The following CORIN variants were observed in gnomAD, a reference collection of about 807,000 sequenced individuals.
The protein encoded by CORIN is corin, serine peptidase.
CORIN carries 117 observed loss-of-function variants against 125.3 expected under a neutral mutation model. The observed-to-expected ratio is 0.93, with a 90% CI of 0.80 to 1.09. The LOEUF (loss-of-function observed/expected upper bound fraction) is 1.09. CORIN is among the 50% of genes least tolerant of loss of function. The pLI, the probability that CORIN is intolerant of heterozygous loss-of-function variation, is 0.00. For missense variants in CORIN, 1,253 were observed against 1,306.7 expected, an observed-to-expected ratio of 0.96 and a Z score of 0.63; for synonymous variants, 450 against 466.4, an observed-to-expected ratio of 0.96 and a Z score of 0.45.
intron 16 of CORIN, among the ~76,000 whole-genome samples, chr4:47,636,251 T>A (rs936868295): frequency 4.6e-5 from 7 of 152,182 alleles, no homozygotes; most frequent in African/African-American, 1.7e-4. Flanking sequence ...AGACACACTG[T>A]TTCCCGATTA....
At chr4:47,746,190 G>A (rs1202368391) in intron 4 of CORIN, among the ~76,000 whole-genome samples, 6 of 152,128 alleles carry the variant, frequency 3.9e-5, no homozygotes, top group African/African-American at 2.4e-5. Flanking sequence ...AGAAGTTAGC[G>A]AATATACTTT....
Position 47,659,176 on chromosome 4 carries a change from G to A in CORIN, c.1735+2535C>T, listed in dbSNP as rs144591421. On this transcript the variant is annotated intron_variant, in intron 12 of 21. Coordinates refer to ENST00000273857, the MANE Select transcript of CORIN (RefSeq NM_006587.4). ...GGCCTTCACTATCCATATCACTATC[G>A]GAATTTTGGGTCACAATCACTTAAC... Among the ~76,000 whole-genome samples, 36 of 152,146 alleles carry A rather than the reference G, an allele frequency of 2.4e-4. No homozygotes were observed. In the East Asian group the frequency reaches 5.8e-3, roughly 24 times the overall value.
At chr4:47,679,340 T>C (rs1226089431) in intron 8 of CORIN, among the ~76,000 whole-genome samples, 1 of 151,842 alleles carries the variant, frequency 6.6e-6, no homozygotes, top group African/African-American at 2.4e-5. Flanking sequence ...CAACAGTTTA[T>C]AAATTTATAT....
intron 2 of CORIN, among the ~76,000 whole-genome samples, chr4:47,794,868 C>T (rs1452616182): frequency 1.3e-5 from 2 of 152,050 alleles, no homozygotes; most frequent in African/African-American, 4.8e-5. Flanking sequence ...ATTTCCAAGA[C>T]CTTGAAAGAG....
At chr4:47,652,710 C>G (rs1444597074) in intron 13 of CORIN, 1 of 152,066 alleles carries the variant, frequency 6.6e-6, no homozygotes, top group African/African-American at 2.4e-5. Context: ...GCAGAAATGT[C>G]AAGAAGAGTT....
rs757532623 is a variant in CORIN at position 47,806,900 on chromosome 4, C to G, written c.208+3G>C. 1.9e-6 allele frequency: 3 copies of G among 1,610,152 alleles called. No homozygotes were observed. The highest frequency in any genetic ancestry group is 2.5e-6 in the Non-Finnish European group (3 of 1,178,708). ...ATTTTTATTTAATAATGGCCTCACCCACCAACATAGGAAAGCAGGATCACC... is the reference window on the plus strand; with the variant it reads ...ATTTTTATTTAATAATGGCCTCACCGACCAACATAGGAAAGCAGGATCACC... On this transcript the variant is annotated splice_donor_region_variant and intron_variant, in intron 2 of 21. Coordinates refer to ENST00000273857, the MANE Select transcript of CORIN (RefSeq NM_006587.4).
At chr4:47,739,088 C>G (rs554582102) in intron 5 of CORIN, among the ~76,000 whole-genome samples, 1 of 151,836 alleles carries the variant, frequency 6.6e-6, no homozygotes, top group Admixed American at 6.6e-5. Flanking sequence ...TACCAACATA[C>G]TCATAATGGG....
At chr4:47,631,742 T>G (rs951915141) in intron 16 of CORIN, among the ~76,000 whole-genome samples, 2 of 152,202 alleles carry the variant, frequency 1.3e-5, no homozygotes, top group African/African-American at 2.4e-5. Flanking sequence ...TGGGGATTGC[T>G]ACCCTAGGGG....
chr4:47,760,929 C>A (rs1729418898), intron 4 of CORIN, among the ~76,000 whole-genome samples: 1 of 152,204 alleles, frequency 6.6e-6, no homozygotes, highest in Non-Finnish European at 1.5e-5. Flanking sequence ...TCTCATGAAC[C>A]AATCTCTGCT....
At chr4:47,610,413 G>C (rs1721825312) in intron 19 of CORIN, among the ~76,000 whole-genome samples, 1 of 151,638 alleles carries the variant, frequency 6.6e-6, no homozygotes, top group Admixed American at 6.6e-5. Flanking sequence ...CTTTTGAGAA[G>C]TGTCTGTTCA....
At chr4:47,642,114 T>A (rs1427243483) in intron 15 of CORIN, 65 bp from the exon 16 acceptor site, 1 of 1,524,088 alleles carries the variant, frequency 6.6e-7, no homozygotes, top group East Asian at 2.3e-5. Context: ...AGCACATAAC[T>A]TTACATGCCT....
At chr4:47,746,882 G>A (rs964664051) in intron 4 of CORIN, among the ~76,000 whole-genome samples, 9 of 152,094 alleles carry the variant, frequency 5.9e-5, no homozygotes, top group Non-Finnish European at 7.4e-5. Flanking sequence ...CATCATATAC[G>A]TGATGGGTGA....
At chr4:47,814,758 G>A (rs1371010383) in intron 1 of CORIN, among the ~76,000 whole-genome samples, 1 of 152,030 alleles carries the variant, frequency 6.6e-6, no homozygotes, top group East Asian at 1.9e-4. Context: ...GCATGTAGTT[G>A]AAGCATATGA....
chr4:47,762,416 G>C (rs1729512030), intron 4 of CORIN, among the ~76,000 whole-genome samples: 2 of 152,160 alleles, frequency 1.3e-5, no homozygotes. Flanking sequence ...TGTTATATGT[G>C]AATAAGTAAT....
intron 3 of CORIN, among the ~76,000 whole-genome samples, chr4:47,768,501 A>G (rs1027970580): frequency 2.2e-4 from 33 of 152,360 alleles, no homozygotes; most frequent in African/African-American, 7.5e-4. Context: ...CTGATACCAA[A>G]GCCAGACAAG....
chr4:47,649,081 C>T (rs1723618442), intron 13 of CORIN, among the ~76,000 whole-genome samples: 1 of 152,216 alleles, frequency 6.6e-6, no homozygotes. Flanking sequence ...ACAGGCCATC[C>T]AGCCACCATC....
At chr4:47,623,340 CTT>C (rs1722412261) in intron 19 of CORIN, among the ~76,000 whole-genome samples, 1 of 152,016 alleles carries the variant, frequency 6.6e-6, no homozygotes, top group African/African-American at 2.4e-5. Context: ...CTTTCTCTCT[CTT>C]AGGACAAAAA....
chr4:47,623,096 C>CTCTCTCTCTCTCTCTA (rs771867590), intron 19 of CORIN, among the ~76,000 whole-genome samples: 32 of 102,296 alleles, frequency 3.1e-4, no homozygotes, highest in Admixed American at 4.3e-4. Flanking sequence ...CTCTCTCTCT[C>CTCTCTCTCTCTCTCTA]TATATATATA....
At chr4:47,797,328 G>C (rs1433353518) in intron 2 of CORIN, among the ~76,000 whole-genome samples, 1 of 151,312 alleles carries the variant, frequency 6.6e-6, no homozygotes, top group Non-Finnish European at 1.5e-5. Flanking sequence ...AGTACTCTAT[G>C]GCATAAAGTG....
Sources: gnomAD v4.1 joint callset for allele counts (sites outside exome capture counted in the v4.1 genomes callset) on GRCh38, gnomAD v4.1.1 for gene constraint, MANE v1.5 for transcripts, NCBI Gene and HGNC (gene_info 2026-07-23, HGNC 2026-07-21) for gene names.